The following CFAP46 variants were observed in gnomAD, a reference collection of about 807,000 sequenced individuals.
CFAP46 encodes cilia and flagella associated protein 46, also known as cilia- and flagella-associated protein 46.
A neutral mutation model predicts 325.7 loss-of-function variants in CFAP46; 245 were observed. The ratio of observed to expected loss-of-function variants is 0.75; its 90% CI spans 0.68 to 0.84. The LOEUF (loss-of-function observed/expected upper bound fraction) is 0.84. CFAP46 is among the 40% of genes least tolerant of loss of function. The pLI is 0.00. For synonymous variants in CFAP46, 1,523 were observed against 1,495.9 expected, an observed-to-expected ratio of 1.02 and a Z score of -0.42; for missense variants, 3,346 against 3,543.0, an observed-to-expected ratio of 0.94 and a Z score of 1.41.
intron 27 of CFAP46, among the ~76,000 whole-genome samples, chr10:132,883,528 C>T (rs1254839149): frequency 6.6e-6 from 1 of 152,252 alleles, no homozygotes; most frequent in Non-Finnish European, 1.5e-5. Context: ...GGAAGGCAAC[C>T]CTGTGAGGCC....
Position 132,872,836 on chromosome 10 carries a change from C to A in CFAP46, c.4363-12G>T. On this transcript the variant is annotated splice_polypyrimidine_tract_variant and intron_variant, in intron 31 of 57. Transcript: ENST00000368586. ...TACAAACTGTATGTCTACATGGACA[C>A]ATAACACACACAGGAGGTCACAGGA... 2 of 1,550,956 alleles carry A rather than the reference C, an allele frequency of 1.3e-6. No individual in the cohort carries two copies. Among genetic ancestry groups the A allele is most frequent in the Non-Finnish European group, 1.7e-6 (2 of 1,146,966 alleles).
intron 24 of CFAP46, among the ~76,000 whole-genome samples, chr10:132,893,509 G>A (rs370948388): frequency 2.9e-4 from 44 of 152,294 alleles, no homozygotes; most frequent in African/African-American, 8.9e-4. Flanking sequence ...ACACTCTCTC[G>A]CTTCACTAAG....
chr10:132,816,013 G>A (rs1434488897), intron 50 of CFAP46, among the ~76,000 whole-genome samples: 1 of 152,152 alleles, frequency 6.6e-6, no homozygotes, highest in Non-Finnish European at 1.5e-5. Flanking sequence ...CATATTTTTT[G>A]TGGGAAGACT....
rs2135552136 is a variant in CFAP46 at position 132,912,784 on chromosome 10, C to T, written c.2370G>A (p.Leu790=). 2 of 1,550,130 alleles carry T rather than the reference C, an allele frequency of 1.3e-6. No homozygotes were observed. The highest frequency in any genetic ancestry group is 1.7e-6 in the Non-Finnish European group (2 of 1,146,988). The change falls in exon 19 of 58, where the codon TTG becomes TTA. Residue 790 remains leucine, a synonymous_variant. Coordinates refer to ENST00000368586, the MANE Select transcript of CFAP46 (RefSeq NM_001200049.3). ...PVMLVTLCNT[L]ARGLIISWIP... is the part of the protein sequence containing the mutation. ...TCCAGCTGATGATCAGGCCTCGCGC[C>T]AAGGTGTTGCAGAGCGTCACCAGCA...
At chr10:132,864,200 C>T (rs1848769465) in intron 35 of CFAP46, among the ~76,000 whole-genome samples, 1 of 140,472 alleles carries the variant, frequency 7.1e-6, no homozygotes, top group South Asian at 2.5e-4. Context: ...CACACATGTC[C>T]CCCGCCTGAG....
chr10:132,841,540 C>T (rs572971795), intron 44 of CFAP46, among the ~76,000 whole-genome samples: 114 of 152,288 alleles, frequency 7.5e-4, no homozygotes, highest in Non-Finnish European at 2.6e-4. Context: ...GTCCTGTTCC[C>T]GTGGCTTTGC....
intron 19 of CFAP46, 48 bp from the exon 20 acceptor site, chr10:132,910,116 G>A (rs946660527): frequency 1.5e-6 from 2 of 1,354,154 alleles, no homozygotes; most frequent in Non-Finnish European, 1.9e-6. Context: ...CTAAACAGGG[G>A]ACCTTGAGCC....
intron 22 of CFAP46, 104 bp from the exon 23 acceptor site, chr10:132,899,770 A>G (rs1211525987): frequency 7.6e-7 from 1 of 1,308,168 alleles, no homozygotes; most frequent in African/African-American, 1.5e-5. Context: ...GTGGTATTCT[A>G]AGATGGGGCA....
At chr10:132,867,876 G>A (rs987425904) in intron 33 of CFAP46, among the ~76,000 whole-genome samples, 4 of 152,174 alleles carry the variant, frequency 2.6e-5, no homozygotes, top group African/African-American at 7.2e-5. Context: ...CCTGCTCCCC[G>A]CTCGGCCTTC....
chr10:132,892,299 T>C, intron 25 of CFAP46, 34 bp downstream of exon 25: 1 of 1,542,368 alleles, frequency 6.5e-7, no homozygotes. Context: ...TCCTTGTACC[T>C]GGAGCCTGTG....
intron 22 of CFAP46, among the ~76,000 whole-genome samples, chr10:132,906,193 G>A (rs1301227940): frequency 6.6e-6 from 1 of 152,232 alleles, no homozygotes; most frequent in Non-Finnish European, 1.5e-5. Context: ...TGAACGTGGG[G>A]CACCACGCAT....
intron 33 of CFAP46, among the ~76,000 whole-genome samples, chr10:132,867,964 G>A (rs1352159807): frequency 2.6e-5 from 4 of 152,096 alleles, no homozygotes; most frequent in African/African-American, 4.8e-5. Context: ...CGGCTGTCCC[G>A]CCTTCTCCTG....
chr10:132,941,665 G>C lies in CFAP46; in HGVS notation c.232C>G (p.Pro78Ala), dbSNP rs749080624. The change falls in exon 3 of 58, where the codon CCC (proline) becomes GCC (alanine). Residue 78 changes from proline (P) to alanine (A), a missense_variant. Transcript: ENST00000368586. ...GCTCGGCCCAGAAACTGGGTGATGG[G>C]CGCCTTCACCTTGAAGTACATTTGG... is the stretch of plus-strand genomic sequence containing the variant. ...CIQMYFKVKA[P>A]ITQFLGRAHL... is the part of the protein sequence containing the mutation. The C allele has an allele frequency of 1.1e-4, 182 of 1,613,926 alleles. No individual in the cohort carries two copies. Among genetic ancestry groups the C allele is most frequent in the Non-Finnish European group, 1.5e-4 (177 of 1,180,042 alleles).
chr10:132,858,723 C>T lies in CFAP46; in HGVS notation c.5375+348G>A, dbSNP rs183050034. 5.9e-4 allele frequency among the ~76,000 whole-genome samples: 90 copies of T among 152,128 alleles called. 1 individual carries two copies. The highest frequency in any genetic ancestry group is 2.1e-3 in the African/African-American group (89 of 41,508). ...GGCATGTGTGTGCAATGCGCGTGTG[C>T]CTGTGGCTGGTGGGGGTGGGTGGTG... is the stretch of plus-strand genomic sequence containing the variant. On this transcript the variant is annotated intron_variant, in intron 38 of 57. Coordinates refer to ENST00000368586, the MANE Select transcript of CFAP46 (RefSeq NM_001200049.3).
chr10:132,809,399 C>T lies in CFAP46; in HGVS notation c.7665-495G>A, dbSNP rs146079343. On this transcript the variant is annotated intron_variant, in intron 57 of 57. Transcript: ENST00000368586. The stretch of plus-strand genomic sequence containing the variant: ...TGTGGGCCCCACACTGGCCACATCA[C>T]GGCGGCATCCGTGTCTGTGCCCTGC... Among the ~76,000 whole-genome samples, 675 of 152,364 alleles carry T rather than the reference C, an allele frequency of 4.4e-3. 4 individuals are homozygous for T. The highest frequency in any genetic ancestry group is 0.015 in the African/African-American group (625 of 41,588).
intron 39 of CFAP46, among the ~76,000 whole-genome samples, chr10:132,854,646 G>C (rs4880449): frequency 1.3e-5 from 2 of 151,896 alleles, no homozygotes; most frequent in African/African-American, 2.4e-5. Flanking sequence ...CAGCTTTCTG[G>C]TTTTTTTTAA....
chr10:132,940,872 T>C (rs1204739201), intron 4 of CFAP46, 124 bp downstream of exon 4: 16 of 942,606 alleles, frequency 1.7e-5, no homozygotes, highest in Non-Finnish European at 2.5e-5. Context: ...CACACGTGCA[T>C]GAAAATCACA....
rs765721540 is a variant in CFAP46, at chr10:132,899,075, G to A, written c.3103C>T (p.Arg1035Trp). 7.1e-6 allele frequency: 11 copies of A among 1,550,326 alleles called. No homozygotes were observed. Among genetic ancestry groups the A allele is most frequent in the Admixed American group, 5.9e-5 (3 of 50,986 alleles). The stretch of plus-strand genomic sequence containing the variant: ...GGGAGCCAGGCGTTCCAGTAATGCC[G>A]CGCGGCCAGCATCACCAGGGCGCTG... Reference protein sequence around the residue: ...GSSALVMLAARHYWNAWLPLL... With the variant: ...GSSALVMLAAWHYWNAWLPLL... Residue 1035 changes from arginine to tryptophan, a missense_variant, in exon 24 of 58, where the codon CGG becomes TGG. Coordinates refer to ENST00000368586, the MANE Select transcript of CFAP46 (RefSeq NM_001200049.3).
rs766661000 is a variant in CFAP46 at position 132,934,839 on chromosome 10, G to C, written c.779C>G (p.Pro260Arg). The change falls in exon 8 of 58, where the codon CCA becomes CGA. Residue 260 changes from proline to arginine, a missense_variant. By Grantham distance (103) the Pro-to-Arg change is moderately radical (BLOSUM62 -2). Coordinates refer to ENST00000368586, the MANE Select transcript of CFAP46 (RefSeq NM_001200049.3). ...LKAKAEQNDLPGDISVILRKA... is the reference protein window; with the variant it reads ...LKAKAEQNDLRGDISVILRKA... ...CCTCAGAATGACACTGATGTCACCT[G>C]GTAAATCATTTTGCTCCGCTTTTCT... is the stretch of plus-strand genomic sequence containing the variant. 6.2e-7 allele frequency: 1 copy of C among 1,608,108 alleles called. No individual in the cohort carries two copies. Among genetic ancestry groups the C allele is most frequent in the South Asian group, 1.1e-5 (1 of 90,884 alleles).
Sources: allele counts gnomAD v4.1 joint callset (sites outside exome capture counted in the v4.1 genomes callset), GRCh38; gene constraint gnomAD v4.1.1; transcripts MANE v1.5; gene names NCBI Gene and HGNC (gene_info 2026-07-23, HGNC 2026-07-21).